DLGAP1: variants seen among roughly 807,000 people sequenced by gnomAD.
DLGAP1 encodes DLG associated protein 1, also known as disks large-associated protein 1.
DLGAP1 carries 11 observed loss-of-function variants against 90.8 expected under a neutral mutation model. The observed-to-expected ratio is 0.12, with a 90% confidence interval of 0.08 to 0.20. The LOEUF is 0.20. Among genes scored for constraint, DLGAP1 ranks in the 10% least tolerant of loss-of-function variants. The pLI, the probability that DLGAP1 is intolerant of heterozygous loss-of-function variation, is 1.00. For synonymous variants in DLGAP1, 558 were observed against 540.7 expected (o/e 1.03, Z -0.44); for missense variants, 1,050 against 1,333.8 (o/e 0.79, Z 3.31).
chr18:4,082,392 T>G (rs1318216148), intron 2 of DLGAP1, among the ~76,000 whole-genome samples: 1 of 143,972 alleles, frequency 6.9e-6, no homozygotes, highest in Non-Finnish European at 1.5e-5. Context: ...ACACCTGTAA[T>G]CCCAGCTACT....
intron 4 of DLGAP1, among the ~76,000 whole-genome samples, chr18:3,827,656 A>G (rs557881167): frequency 6.6e-6 from 1 of 152,362 alleles, no homozygotes; most frequent in East Asian, 1.9e-4. Flanking sequence ...ACAGCAAGAA[A>G]TACATCTTAC....
intron 4 of DLGAP1, among the ~76,000 whole-genome samples, chr18:3,877,635 G>C (rs2071037237): frequency 6.6e-6 from 1 of 152,120 alleles, no homozygotes; most frequent in African/African-American, 2.4e-5. Flanking sequence ...AGAGTTTCTA[G>C]AGCTTTCGGT....
chr18:3,921,297 T>A (rs966098907), intron 3 of DLGAP1, among the ~76,000 whole-genome samples: 12 of 151,900 alleles, frequency 7.9e-5, no homozygotes, highest in Non-Finnish European at 1.8e-4. Flanking sequence ...CCTGTAAGAG[T>A]TTATTTATTT....
intron 2 of DLGAP1, among the ~76,000 whole-genome samples, chr18:4,113,453 G>C (rs1402133692): frequency 6.6e-6 from 1 of 151,810 alleles, no homozygotes; most frequent in Non-Finnish European, 1.5e-5. Flanking sequence ...CATTTTTAAT[G>C]GGGTTATTAT....
intron 7 of DLGAP1, among the ~76,000 whole-genome samples, chr18:3,595,547 A>G (rs949687985): frequency 1.3e-5 from 2 of 152,186 alleles, no homozygotes; most frequent in South Asian, 2.1e-4. Context: ...ATGTGCCTGG[A>G]CCACTTAACA....
In DLGAP1 at chr18:3,981,711, T is replaced by G. The variant is rs142437096; in HGVS notation, c.-73+23405A>C. 6.4e-3 allele frequency among the ~76,000 whole-genome samples: 968 copies of G among 152,292 alleles called. 2 individuals are homozygous for G. The highest frequency in any genetic ancestry group is 0.02 in the Middle Eastern group (6 of 294). Reference sequence around the variant, plus strand: ...TGGCTTGGGACAAAATGCTTGAGATTGAAATAAAGGACTGATTGACTATTT... The same window carrying G: ...TGGCTTGGGACAAAATGCTTGAGATGGAAATAAAGGACTGATTGACTATTT... On this transcript the variant is annotated intron_variant, in intron 3 of 12. Coordinates refer to ENST00000315677, the MANE Select transcript of DLGAP1 (RefSeq NM_004746.4).
At chr18:4,247,638 G>T (rs989331412) in intron 1 of DLGAP1, among the ~76,000 whole-genome samples, 2 of 152,018 alleles carry the variant, frequency 1.3e-5, no homozygotes, top group Non-Finnish European at 2.9e-5. Flanking sequence ...TTAGCCAGGC[G>T]TGGTGGCAGG....
At chr18:3,581,105 G>A (rs2055481383) in intron 8 of DLGAP1, among the ~76,000 whole-genome samples, 1 of 152,172 alleles carries the variant, frequency 6.6e-6, no homozygotes, top group Admixed American at 6.5e-5. Flanking sequence ...TGCTCTTCTG[G>A]GAGGTTCCCG....
intron 3 of DLGAP1, among the ~76,000 whole-genome samples, chr18:3,959,025 GT>G (rs1276198492): frequency 6.6e-6 from 1 of 152,162 alleles, no homozygotes; most frequent in Non-Finnish European, 1.5e-5. Context: ...CCCACCAAAA[GT>G]TTGTGTCCAA....
intron 7 of DLGAP1, among the ~76,000 whole-genome samples, chr18:3,592,728 C>G (rs2056320088): frequency 6.7e-6 from 1 of 150,326 alleles, no homozygotes; most frequent in African/African-American, 2.4e-5. Context: ...CCTGAAGTCT[C>G]AGCTACTCGG....
At chr18:3,915,327 C>A (rs1302538706) in intron 3 of DLGAP1, among the ~76,000 whole-genome samples, 1 of 152,074 alleles carries the variant, frequency 6.6e-6, no homozygotes, top group African/African-American at 2.4e-5. Flanking sequence ...AAGAGAATGC[C>A]AAAAGCACAC....
At chr18:4,326,919 C>T (rs570098047) in intron 1 of DLGAP1, among the ~76,000 whole-genome samples, 20 of 151,948 alleles carry the variant, frequency 1.3e-4, no homozygotes, top group South Asian at 4.2e-4. Context: ...ATTACCCAGC[C>T]GACAAAATTA....
chr18:3,540,395 G>A (rs534404938), intron 9 of DLGAP1, among the ~76,000 whole-genome samples: 2 of 149,748 alleles, frequency 1.3e-5, no homozygotes, highest in East Asian at 2.0e-4. Flanking sequence ...TGAAGAACCC[G>A]GGAGGCAGAG....
intron 2 of DLGAP1, among the ~76,000 whole-genome samples, chr18:4,105,322 C>T (rs1389279325): frequency 1.3e-5 from 2 of 152,154 alleles, no homozygotes; most frequent in Non-Finnish European, 2.9e-5. Flanking sequence ...GCAGCAAAGT[C>T]CTCCGTGCAC....
chr18:3,697,504 G>T (rs907968147), intron 7 of DLGAP1, among the ~76,000 whole-genome samples: 5 of 152,182 alleles, frequency 3.3e-5, no homozygotes, highest in African/African-American at 1.2e-4. Flanking sequence ...GTGGTTTTGA[G>T]TGAGTTTCTT....
intron 3 of DLGAP1, among the ~76,000 whole-genome samples, chr18:3,917,981 C>G (rs975054657): frequency 3.3e-5 from 5 of 152,186 alleles, no homozygotes; most frequent in African/African-American, 1.2e-4. Flanking sequence ...CTGTACCCCA[C>G]TCCTTGGCTC....
chr18:3,704,035 G>T (rs1245282203), intron 7 of DLGAP1, among the ~76,000 whole-genome samples: 1 of 152,158 alleles, frequency 6.6e-6, no homozygotes, highest in East Asian at 1.9e-4. Flanking sequence ...AAGCACCCAA[G>T]AACAGATACT....
chr18:3,763,221 G>T (rs1385019953), intron 5 of DLGAP1, among the ~76,000 whole-genome samples: 1 of 152,172 alleles, frequency 6.6e-6, no homozygotes, highest in African/African-American at 2.4e-5. Context: ...AGACTAGACT[G>T]GCTAAGTCTT....
At chr18:3,549,885 C>A (rs947993938) in intron 9 of DLGAP1, among the ~76,000 whole-genome samples, 28 of 151,756 alleles carry the variant, frequency 1.8e-4, no homozygotes, top group Non-Finnish European at 3.7e-4. Context: ...GGAGATAGGA[C>A]CTTTATTTAA....
Sources: allele counts gnomAD v4.1 joint callset (sites outside exome capture counted in the v4.1 genomes callset), GRCh38; gene constraint gnomAD v4.1.1; transcripts MANE v1.5; gene names NCBI Gene and HGNC (gene_info 2026-07-23, HGNC 2026-07-21).